Variants in MAGI2 observed in about 807,000 individuals in gnomAD.
MAGI2 encodes the protein membrane-associated guanylate kinase, WW and PDZ domain-containing protein 2.
In MAGI2, 35 loss-of-function variants were observed where a neutral mutation model predicts 133.3. That is an observed-to-expected ratio of 0.26 (90% confidence interval 0.20 to 0.35). The LOEUF (loss-of-function observed/expected upper bound fraction) is 0.35. Ranked by LOEUF, MAGI2 falls within the 10% of genes least tolerant of loss-of-function variation. MAGI2 has a pLI of 1.00. For synonymous variants in MAGI2, 729 were observed against 710.6 expected (o/e 1.03, Z -0.41); for missense variants, 1,636 against 1,863.4 (o/e 0.88, Z 2.25).
At position 78,914,194 on chromosome 7, in the gene MAGI2, A is replaced by G. The variant is rs566930935; in HGVS notation, c.418+92896T>C. Among the ~76,000 whole-genome samples, 8 of 152,316 alleles carry G rather than the reference A, an allele frequency of 5.3e-5. No homozygotes were observed. In the East Asian group the frequency reaches 1.5e-3, roughly 29 times the overall value. On this transcript the variant is annotated intron_variant, in intron 2 of 21. Transcript: ENST00000354212. ...TTTTAAGGACAGAGGATGTATCACT[A>G]TTAGAGTCTCAGCTCCTAACACAGA...
intron 9 of MAGI2, among the ~76,000 whole-genome samples, chr7:78,281,255 A>C (rs1795543066): frequency 6.6e-6 from 1 of 152,084 alleles, no homozygotes; most frequent in Non-Finnish European, 1.5e-5. Context: ...ATACATACTG[A>C]TGTGGCTTGG....
intron 2 of MAGI2, among the ~76,000 whole-genome samples, chr7:78,649,670 G>A (rs979277912): frequency 6.6e-6 from 1 of 152,004 alleles, no homozygotes; most frequent in Non-Finnish European, 1.5e-5. Flanking sequence ...CTACTCAGCT[G>A]TCAAATTATC....
At chr7:78,766,656 CTCCACATGGTGAA>C (rs1825057051) in intron 2 of MAGI2, among the ~76,000 whole-genome samples, 1 of 152,188 alleles carries the variant, frequency 6.6e-6, no homozygotes. Context: ...CTAACTGTTC[CTCCACATGGTGAA>C]TATCACCTAA....
intron 2 of MAGI2, among the ~76,000 whole-genome samples, chr7:78,670,846 A>G (rs187784405): frequency 6.6e-6 from 1 of 152,304 alleles, no homozygotes; most frequent in Non-Finnish European, 1.5e-5. Flanking sequence ...CAAAAGCAGT[A>G]AGTCTGTGAA....
At chr7:78,491,845 C>T (rs1793636480) in intron 5 of MAGI2, among the ~76,000 whole-genome samples, 1 of 148,176 alleles carries the variant, frequency 6.7e-6, no homozygotes, top group African/African-American at 2.5e-5. Flanking sequence ...TTAAAAATGC[C>T]CTTTATAGAC....
At chr7:78,254,627 C>T (rs1273170615) in intron 10 of MAGI2, 7 of 152,166 alleles carry the variant, frequency 4.6e-5, no homozygotes, top group African/African-American at 9.7e-5. Context: ...GTTTGCTGTC[C>T]GTTTCCAAAC....
At chr7:79,339,481 G>T (rs1840730423) in intron 1 of MAGI2, among the ~76,000 whole-genome samples, 1 of 117,340 alleles carries the variant, frequency 8.5e-6, no homozygotes. Flanking sequence ...TTTTTTTTGA[G>T]GAATCACTAA....
chr7:79,298,056 G>A (rs1324093797), intron 1 of MAGI2, among the ~76,000 whole-genome samples: 1 of 151,986 alleles, frequency 6.6e-6, no homozygotes, highest in Non-Finnish European at 1.5e-5. Flanking sequence ...ATATGTTTGT[G>A]GTCAAAATTA....
chr7:79,200,974 AG>A (rs1160807138), intron 1 of MAGI2, among the ~76,000 whole-genome samples: 1 of 152,030 alleles, frequency 6.6e-6, no homozygotes, highest in Non-Finnish European at 1.5e-5. Context: ...TATTTTCTGT[AG>A]GGCCTAAAAT....
At chr7:78,659,000 A>G (rs777773519) in intron 2 of MAGI2, among the ~76,000 whole-genome samples, 42 of 152,338 alleles carry the variant, frequency 2.8e-4, no homozygotes, top group Non-Finnish European at 5.3e-4. Context: ...TTATATTCAC[A>G]CAAAAACCTG....
At chr7:78,553,745 C>G (rs1799558685) in intron 3 of MAGI2, among the ~76,000 whole-genome samples, 1 of 152,134 alleles carries the variant, frequency 6.6e-6, no homozygotes, top group African/African-American at 2.4e-5. Flanking sequence ...ATCATATTGC[C>G]CCAAATCACA....
chr7:78,777,881 G>A (rs1217587702), intron 2 of MAGI2, among the ~76,000 whole-genome samples: 3 of 123,350 alleles, frequency 2.4e-5, no homozygotes, highest in Admixed American at 2.4e-4. Flanking sequence ...CACACAGAAG[G>A]ACCGCTCTAG....
intron 2 of MAGI2, among the ~76,000 whole-genome samples, chr7:78,776,581 A>G (rs1826006406): frequency 1.3e-5 from 2 of 152,218 alleles, no homozygotes; most frequent in East Asian, 1.9e-4. Flanking sequence ...ATTATTTTCA[A>G]TATTTCCATG....
At chr7:78,073,735 G>T (rs73362636) in intron 21 of MAGI2, among the ~76,000 whole-genome samples, 10,383 of 152,276 alleles carry the variant, frequency 0.068, 572 homozygotes, top group African/African-American at 0.15. Context: ...AAGGAAGCCT[G>T]CATTTCAAGG....
intron 1 of MAGI2, among the ~76,000 whole-genome samples, chr7:79,113,484 C>A (rs79897497): frequency 3.3e-5 from 5 of 152,176 alleles, no homozygotes; most frequent in Non-Finnish European, 5.9e-5. Context: ...CTAAGTTTTG[C>A]TGTCTGTACT....
intron 2 of MAGI2, among the ~76,000 whole-genome samples, chr7:78,755,500 G>T (rs1010652906): frequency 6.6e-6 from 1 of 152,120 alleles, no homozygotes; most frequent in Non-Finnish European, 1.5e-5. Flanking sequence ...TGTAATAAAA[G>T]CACCCAGAAT....
intron 6 of MAGI2, among the ~76,000 whole-genome samples, chr7:78,373,513 A>G (rs1227219226): frequency 6.6e-6 from 1 of 151,786 alleles, no homozygotes. Context: ...AAATAGCATC[A>G]AAACGAAAAC....
chr7:78,299,967 G>A (rs1306423065), intron 9 of MAGI2, among the ~76,000 whole-genome samples: 1 of 152,020 alleles, frequency 6.6e-6, no homozygotes, highest in East Asian at 1.9e-4. Context: ...TTTTCATCAT[G>A]GAATTTTTGG....
chr7:78,612,668 T>A (rs1248063275), intron 3 of MAGI2, among the ~76,000 whole-genome samples: 1 of 151,756 alleles, frequency 6.6e-6, no homozygotes, highest in Non-Finnish European at 1.5e-5. Flanking sequence ...TCACATTTTA[T>A]TTTTTTTAAT....
Sources: allele counts gnomAD v4.1 joint callset (sites outside exome capture counted in the v4.1 genomes callset), GRCh38; gene constraint gnomAD v4.1.1; transcripts MANE v1.5; gene names NCBI Gene and HGNC (gene_info 2026-07-23, HGNC 2026-07-21).